Variants in PCDHA6 observed in about 807,000 individuals in gnomAD.
PCDHA6 encodes the protein protocadherin alpha 6, also known as protocadherin alpha-6.
In PCDHA6, 55 loss-of-function variants were observed where a neutral mutation model predicts 60.3. That is an observed-to-expected ratio of 0.91 (90% CI 0.73 to 1.14). The LOEUF (loss-of-function observed/expected upper bound fraction) is 1.14. PCDHA6 is among the 50% of genes most tolerant of loss of function. The pLI is 0.00. For synonymous variants in PCDHA6, 652 were observed against 557.9 expected, an observed-to-expected ratio of 1.17 and a Z score of -2.38; for missense variants, 1,327 against 1,256.5, an observed-to-expected ratio of 1.06 and a Z score of -0.85.
intron 1 of PCDHA6, among the ~76,000 whole-genome samples, chr5:140,925,081 GA>G (rs2082282278): frequency 1.4e-5 from 2 of 146,052 alleles, no homozygotes; most frequent in African/African-American, 2.7e-5. Flanking sequence ...CGCTCATCTG[GA>G]AAGGAAGGAA....
chr5:140,877,044 C>G (rs2056811009), intron 1 of PCDHA6: 2 of 1,612,634 alleles, frequency 1.2e-6, no homozygotes, highest in Non-Finnish European at 1.7e-6. Context: ...AGCCGCTAGA[C>G]CACGAGGAGC....
intron 1 of PCDHA6, chr5:140,842,263 C>CTTA (rs1777840904): frequency 6.2e-7 from 1 of 1,610,966 alleles, no homozygotes; most frequent in Non-Finnish European, 8.5e-7. Context: ...AACAAGAAAA[C>CTTA]TTATACAAAA....
Position 141,009,759 on chromosome 5 carries a change from GATCTCCTGCAATCATCTCC to G in PCDHA6, c.2679_2697del (p.Pro894GlyfsTer15). 6.2e-7 allele frequency: 1 copy of G among 1,614,082 alleles called. No individual in the cohort carries two copies. The highest frequency in any genetic ancestry group is 8.5e-7 in the Non-Finnish European group (1 of 1,180,014). On this transcript the variant is annotated frameshift_variant, in exon 4 of 4. Transcript: ENST00000529310. LOFTEE classifies it high-confidence loss of function. Reference sequence around the variant, plus strand: ...TTGCCCGACAAATTCATTATCCCAGGATCTCCTGCAATCATCTCCATCCGGCAGGAGCCTACTAACAGCC... The same window carrying G: ...TTGCCCGACAAATTCATTATCCCAGGATCCGGCAGGAGCCTACTAACAGCC...
At chr5:140,883,675 G>T (rs782140381) in intron 1 of PCDHA6, 5 of 1,613,894 alleles carry the variant, frequency 3.1e-6, no homozygotes, top group Non-Finnish European at 4.2e-6. Context: ...AAAACAATCC[G>T]CCGGGCTGCC....
chr5:140,862,857 T>C (rs782223560), intron 1 of PCDHA6: 7 of 517,122 alleles, frequency 1.4e-5, no homozygotes, highest in African/African-American at 1.1e-4. Context: ...TGAGCAGCAA[T>C]GTGACGCTGC....
intron 1 of PCDHA6, among the ~76,000 whole-genome samples, chr5:140,975,576 C>G (rs1170899911): frequency 6.6e-6 from 1 of 152,208 alleles, no homozygotes; most frequent in Non-Finnish European, 1.5e-5. Flanking sequence ...TATATGCAGT[C>G]TCATGTCCCA....
intron 3 of PCDHA6, among the ~76,000 whole-genome samples, chr5:141,005,129 C>T (rs1554259896): frequency 6.6e-6 from 1 of 152,180 alleles, no homozygotes; most frequent in African/African-American, 2.4e-5. Context: ...CCAAAAGTGC[C>T]TCATTGGAGA....
At chr5:141,008,528 G>C (rs1343778561) in intron 3 of PCDHA6, among the ~76,000 whole-genome samples, 5 of 152,070 alleles carry the variant, frequency 3.3e-5, no homozygotes, top group African/African-American at 9.7e-5. Flanking sequence ...AGACTCTTGG[G>C]AATGTCTTTT....
intron 1 of PCDHA6, chr5:140,857,039 G>A: frequency 6.3e-7 from 1 of 1,595,752 alleles, no homozygotes; most frequent in Non-Finnish European, 8.6e-7. Context: ...ACCTATGGTT[G>A]GTCACTGCAC....
In PCDHA6 at chr5:141,011,512, G is replaced by A. The variant is rs561564688; in HGVS notation, c.*1575G>A. On this transcript the variant is annotated 3_prime_UTR_variant, in exon 4 of 4. Coordinates refer to ENST00000529310, the MANE Select transcript of PCDHA6 (RefSeq NM_018909.4). ...TGTACACCTGTGAAAAAGTGGAGTAGTGTTTTTTTAACCATTGTTAATCAG... is the reference window on the plus strand; with the variant it reads ...TGTACACCTGTGAAAAAGTGGAGTAATGTTTTTTTAACCATTGTTAATCAG... 9 of 153,844 alleles carry A rather than the reference G, an allele frequency of 5.9e-5. No homozygotes were observed. Among genetic ancestry groups the A allele is most frequent in the African/African-American group, 2.2e-4 (9 of 41,570 alleles). 9.5% of individuals were successfully genotyped at this position (153,844 alleles called of 1,614,324 possible).
At chr5:140,832,534 G>A (rs1772034648) in intron 1 of PCDHA6, among the ~76,000 whole-genome samples, 1 of 152,208 alleles carries the variant, frequency 6.6e-6, no homozygotes, top group African/African-American at 2.4e-5. Flanking sequence ...ATCACCATTT[G>A]TGTAGCTAAT....
At chr5:140,850,282 C>T (rs2150477546) in intron 1 of PCDHA6, 2 of 1,595,502 alleles carry the variant, frequency 1.3e-6, no homozygotes, top group African/African-American at 2.7e-5. Context: ...AAGGTGCGCG[C>T]AGTGGACGCC....
rs1444138021 is a variant in PCDHA6 at position 140,855,293 on chromosome 5, C to T, written c.2394+24808C>T. ...CTCAACCACCGTATTACTATTAGGC[C>T]AAAGTTATAAAATTGGAACATGAGG... On this transcript the variant is annotated intron_variant, in intron 1 of 3. Transcript: ENST00000529310. 2.7e-5 allele frequency among the ~76,000 whole-genome samples: 4 copies of T among 149,558 alleles called. 1 individual carries two copies. The highest frequency in any genetic ancestry group is 4.3e-4 in the South Asian group (2 of 4,702).
rs782072957 is a variant in PCDHA6, at chr5:140,870,352, G to T, written c.2394+39867G>T. On this transcript the variant is annotated intron_variant, in intron 1 of 3. Coordinates refer to ENST00000529310, the MANE Select transcript of PCDHA6 (RefSeq NM_018909.4). ...GGACAGCGCCCTGGACCGCGAGAAC[G>T]TGTGGGCCTATGAACTGGTGGTGAC... 9.9e-6 allele frequency: 16 copies of T among 1,614,226 alleles called. No individual in the cohort carries two copies. The South Asian group carries it at 1.3e-4, about 13-fold the overall frequency.
intron 3 of PCDHA6, among the ~76,000 whole-genome samples, chr5:141,000,216 T>C (rs665221): frequency 1.3e-5 from 2 of 151,640 alleles, no homozygotes; most frequent in East Asian, 1.9e-4. Flanking sequence ...CATTATCAAA[T>C]GCCTGTGTGG....
At chr5:140,985,531 C>T (rs542453995) in intron 3 of PCDHA6, among the ~76,000 whole-genome samples, 102 of 152,254 alleles carry the variant, frequency 6.7e-4, no homozygotes, top group African/African-American at 1.9e-3. Context: ...TAAAGCTTCA[C>T]GGTGAAGATG....
In PCDHA6 at chr5:140,829,374, G is replaced by C; in HGVS notation, c.1283G>C (p.Arg428Pro). The change falls in exon 1 of 4, where the codon CGG becomes CCG. Residue 428 changes from arginine (R) to proline (P), a missense_variant. Physicochemically the swap from Arg to Pro is moderately radical, Grantham distance 103. Coordinates refer to ENST00000529310, the MANE Select transcript of PCDHA6 (RefSeq NM_018909.4). ...GCCTATGAGTTGGTGGTAACCGCGC[G>C]GGACGGGGGCTCGCCTTCGCTGTGG... ...VSAYELVVTA[R>P]DGGSPSLWAT... The C allele has an allele frequency of 1.2e-6, 2 of 1,614,224 alleles. No individual in the cohort carries two copies. Among genetic ancestry groups the C allele is most frequent in the Non-Finnish European group, 1.7e-6 (2 of 1,180,048 alleles).
At chr5:140,988,093 G>C (rs17119334) in intron 3 of PCDHA6, among the ~76,000 whole-genome samples, 1 of 152,036 alleles carries the variant, frequency 6.6e-6, no homozygotes, top group Non-Finnish European at 1.5e-5. Flanking sequence ...GTGCAGCCTC[G>C]GGCCTTGTTG....
chr5:140,876,814 G>C (rs571648883), intron 1 of PCDHA6: 4 of 1,614,226 alleles, frequency 2.5e-6, no homozygotes, highest in Non-Finnish European at 2.5e-6. Flanking sequence ...GGTGGCCGAC[G>C]TGAACGACAA....
Sources: allele counts gnomAD v4.1 joint callset (sites outside exome capture counted in the v4.1 genomes callset), GRCh38; gene constraint gnomAD v4.1.1; transcripts MANE v1.5; gene names NCBI Gene and HGNC (gene_info 2026-07-23, HGNC 2026-07-21).